XKR6: variants seen among roughly 807,000 people sequenced by gnomAD.
XKR6 encodes XK related 6, also known as XK-related protein 6.
A neutral mutation model predicts 56.7 loss-of-function variants in XKR6; 22 were observed. The observed-to-expected ratio is 0.39, with a 90% CI of 0.28 to 0.55. The LOEUF is 0.55. Among genes scored for constraint, XKR6 ranks in the 20% least tolerant of loss-of-function variants. The pLI is 0.66. For missense variants in XKR6, 852 were observed against 889.0 expected, an observed-to-expected ratio of 0.96 and a Z score of 0.53; for synonymous variants, 524 against 387.8, an observed-to-expected ratio of 1.35 and a Z score of -4.13.
chr8:10,928,365 T>C (rs1007060269), intron 1 of XKR6, among the ~76,000 whole-genome samples: 1 of 152,180 alleles, frequency 6.6e-6, no homozygotes, highest in Non-Finnish European at 1.5e-5. Context: ...TAGCTTTACC[T>C]GGTGTCTGTC....
intron 1 of XKR6, chr8:11,062,871 T>C (rs1250522504): frequency 2.2e-6 from 1 of 456,038 alleles, no homozygotes; most frequent in Non-Finnish European, 4.4e-6. Context: ...TGAGTGGAAG[T>C]GGGTGTCCCT....
intron 1 of XKR6, among the ~76,000 whole-genome samples, chr8:10,937,485 T>C (rs1428518611): frequency 6.7e-6 from 1 of 149,610 alleles, no homozygotes; most frequent in Non-Finnish European, 1.5e-5. Context: ...CTCTGCGTTT[T>C]AGAGTTTCCA....
intron 1 of XKR6, among the ~76,000 whole-genome samples, chr8:11,040,058 T>C (rs1417089311): frequency 6.6e-6 from 1 of 151,078 alleles, no homozygotes; most frequent in Non-Finnish European, 1.5e-5. Flanking sequence ...CGTCGGGAGG[T>C]GAGGAAGCAA....
At chr8:10,954,928 G>C (rs1309871301) in intron 1 of XKR6, among the ~76,000 whole-genome samples, 1 of 140,832 alleles carries the variant, frequency 7.1e-6, no homozygotes, top group African/African-American at 2.8e-5. Flanking sequence ...AAGTGCAGTG[G>C]TGCAATCTTG....
chr8:10,952,578 C>T (rs1801758828), intron 1 of XKR6, among the ~76,000 whole-genome samples: 1 of 152,198 alleles, frequency 6.6e-6, no homozygotes, highest in South Asian at 2.1e-4. Context: ...CTCAGCCTCC[C>T]CCGTACCTGG....
chr8:10,930,013 G>T (rs1000972073), intron 1 of XKR6, among the ~76,000 whole-genome samples: 4 of 152,138 alleles, frequency 2.6e-5, no homozygotes, highest in Non-Finnish European at 5.9e-5. Context: ...CTGCTGGCTC[G>T]TCTGAGGCTC....
At chr8:11,197,444 C>A (rs1378251482) in intron 1 of XKR6, among the ~76,000 whole-genome samples, 2 of 152,134 alleles carry the variant, frequency 1.3e-5, no homozygotes, top group South Asian at 2.1e-4. Context: ...AAAGCCAAAC[C>A]CTCCAAGAAA....
chr8:11,040,166 C>T (rs1465426027), intron 1 of XKR6, among the ~76,000 whole-genome samples: 2 of 151,964 alleles, frequency 1.3e-5, no homozygotes, highest in Non-Finnish European at 2.9e-5. Context: ...CCATAAGGTC[C>T]ACGATGCCCT....
intron 1 of XKR6, among the ~76,000 whole-genome samples, chr8:11,132,763 G>GCACA (rs1202405406): frequency 1.2e-5 from 1 of 80,866 alleles, no homozygotes; most frequent in African/African-American, 7.6e-5. Flanking sequence ...ACACACACAC[G>GCACA]CACGCACACA....
intron 1 of XKR6, among the ~76,000 whole-genome samples, chr8:10,998,753 C>T (rs1798172265): frequency 6.6e-6 from 1 of 152,184 alleles, no homozygotes; most frequent in South Asian, 2.1e-4. Flanking sequence ...AGCACCCCTA[C>T]CCCTGAAACC....
At chr8:11,033,625 T>C (rs1007315977) in intron 1 of XKR6, among the ~76,000 whole-genome samples, 1 of 152,158 alleles carries the variant, frequency 6.6e-6, no homozygotes, top group Non-Finnish European at 1.5e-5. Context: ...CACTGCCCCA[T>C]AACCTCTGCT....
In XKR6 at chr8:10,898,513, G is replaced by A. The variant is rs1306904006; in HGVS notation, c.1365C>T (p.Ala455=). The change falls in exon 3 of 3, where the codon GCC becomes GCT. Residue 455 remains alanine, a synonymous_variant. Transcript: ENST00000416569. This position sits in a 1 kb window ranked among gnomAD's most constrained non-coding sequence, Gnocchi z 6.6. ...TGTAAAAATACCAAAGGAACGTCAA[G>A]GCAGCATTCTCGGTCAAGACTATCG... ...YYTIVLTENA[A]LTFLWYFYRD... The A allele has an allele frequency of 1.2e-6, 2 of 1,613,922 alleles. No homozygotes were observed. Among genetic ancestry groups the A allele is most frequent in the Non-Finnish European group, 1.7e-6 (2 of 1,180,044 alleles).
At chr8:11,154,374 C>G (rs1344985438) in intron 1 of XKR6, among the ~76,000 whole-genome samples, 2 of 152,214 alleles carry the variant, frequency 1.3e-5, no homozygotes, top group African/African-American at 4.8e-5. Flanking sequence ...ACATCAGTAC[C>G]AGGAGGGTAA....
At chr8:10,994,913 A>G (rs973186026) in intron 1 of XKR6, among the ~76,000 whole-genome samples, 2 of 152,160 alleles carry the variant, frequency 1.3e-5, no homozygotes, top group South Asian at 2.1e-4. Context: ...GGGGGAAGAG[A>G]AGACGGGGAT....
intron 1 of XKR6, among the ~76,000 whole-genome samples, chr8:11,152,498 A>AAATTAAAT (rs1801317669): frequency 6.6e-6 from 1 of 152,194 alleles, no homozygotes; most frequent in Admixed American, 6.5e-5. Flanking sequence ...GGAGAAAGGA[A>AAATTAAAT]AATTAAATCA....
At chr8:11,062,361 G>T (rs1208391314) in intron 1 of XKR6, among the ~76,000 whole-genome samples, 1 of 152,186 alleles carries the variant, frequency 6.6e-6, no homozygotes, top group Non-Finnish European at 1.5e-5. Flanking sequence ...TTTATAAATG[G>T]AATCAGATCT....
intron 1 of XKR6, chr8:11,137,366 C>G (rs1234979821): frequency 3.0e-6 from 1 of 333,280 alleles, no homozygotes; most frequent in Non-Finnish European, 5.9e-6. Flanking sequence ...ACAAAGGAGT[C>G]CAGGATAATA....
chr8:10,906,479 A>G (rs1046082436), intron 2 of XKR6, among the ~76,000 whole-genome samples: 1 of 152,270 alleles, frequency 6.6e-6, no homozygotes, highest in Non-Finnish European at 1.5e-5. Context: ...GAAAGCAACA[A>G]AAAAAGCAAT....
At chr8:11,079,923 G>C (rs1271629242) in intron 1 of XKR6, among the ~76,000 whole-genome samples, 1 of 152,104 alleles carries the variant, frequency 6.6e-6, no homozygotes, top group South Asian at 2.1e-4. Flanking sequence ...AGCCATGATT[G>C]TACCACTGCA....
Sources: allele counts gnomAD v4.1 joint callset (sites outside exome capture counted in the v4.1 genomes callset), GRCh38; gene constraint gnomAD v4.1.1; non-coding constraint Gnocchi (gnomAD v3.1); transcripts MANE v1.5; gene names NCBI Gene and HGNC (gene_info 2026-07-23, HGNC 2026-07-21).